The following EXOC7 variants were observed in gnomAD, a reference collection of about 807,000 sequenced individuals.
EXOC7 encodes the protein exocyst complex component 7.
EXOC7 carries 51 observed loss-of-function variants against 87.6 expected under a neutral mutation model. The observed-to-expected ratio is 0.58, with a 90% CI of 0.46 to 0.73. EXOC7 has a LOEUF of 0.73. Ranked by LOEUF, EXOC7 falls within the 30% of genes least tolerant of loss-of-function variation. The pLI is 0.00. For synonymous variants in EXOC7, 327 were observed against 357.1 expected, an observed-to-expected ratio of 0.92 and a Z score of 0.95; for missense variants, 744 against 888.4, an observed-to-expected ratio of 0.84 and a Z score of 2.07.
intron 4 of EXOC7, among the ~76,000 whole-genome samples, chr17:76,099,499 C>G (rs1320924694): frequency 6.6e-6 from 1 of 152,072 alleles, no homozygotes; most frequent in Non-Finnish European, 1.5e-5. Context: ...AAGAGCATAA[C>G]TCCGTCTCAA....
rs772320084 is a variant in EXOC7 at position 76,101,868 on chromosome 17, G to A, written c.127-5C>T. ...AAAGGATGATAAGATAGACACCTGC[G>A]GGAGGGAAGCCTCTTGATCTTGGGA... is the stretch of plus-strand genomic sequence containing the variant. On this transcript the variant is annotated splice_polypyrimidine_tract_variant and splice_region_variant and intron_variant, in intron 2 of 18. Coordinates refer to ENST00000589210, the MANE Select transcript of EXOC7 (RefSeq NM_001013839.4). The A allele has an allele frequency of 1.1e-5, 17 of 1,607,228 alleles. No homozygotes were observed. The highest frequency in any genetic ancestry group is 5.6e-5 in the South Asian group (5 of 90,046).
rs1016523167 is a variant in EXOC7 at position 76,081,192 on chromosome 17, C to A, written c.*2456G>T. ...GCCAAAAGCCATCAAAAGTCTCCAT[C>A]ACCCCTGGGCTCCAGTCTGCTACCC... On this transcript the variant is annotated 3_prime_UTR_variant, in exon 19 of 19. Coordinates refer to ENST00000589210, the MANE Select transcript of EXOC7 (RefSeq NM_001013839.4). 2 of 1,560,298 alleles carry A rather than the reference C, an allele frequency of 1.3e-6. No individual in the cohort carries two copies. The highest frequency in any genetic ancestry group is 1.8e-5 in the Admixed American group (1 of 54,394).
At chr17:76,084,724 C>T in intron 15 of EXOC7, 144 bp from the exon 16 acceptor site, 2 of 659,114 alleles carry the variant, frequency 3.0e-6, no homozygotes, top group Non-Finnish European at 5.3e-6. Context: ...AACAGGTTTT[C>T]TTCCTGGGAA....
intron 1 of EXOC7, 72 bp from the exon 2 acceptor site, chr17:76,103,498 G>A: frequency 1.3e-6 from 2 of 1,545,680 alleles, no homozygotes; most frequent in South Asian, 2.4e-5. Flanking sequence ...CCAACCCCAC[G>A]GCCTAGCCCC....
At chr17:76,092,059 C>T (rs1304695407) in intron 6 of EXOC7, among the ~76,000 whole-genome samples, 1 of 152,144 alleles carries the variant, frequency 6.6e-6, no homozygotes, top group African/African-American at 2.4e-5. Flanking sequence ...GGCCAGAAGA[C>T]GTCGGGAAAT....
At chr17:76,084,810 C>T in intron 15 of EXOC7, 1 of 577,866 alleles carries the variant, frequency 1.7e-6, no homozygotes. Context: ...TGGACAAATA[C>T]TGTCAACTAT....
chr17:76,081,568 C>T lies in EXOC7; in HGVS notation c.*2080G>A, dbSNP rs770861935. Reference sequence around the variant, plus strand: ...AGCTGAGGCTGAAGAACACGGCGCTCAAGTCCATCATCGCTCTCTTGGTGC... The same window carrying T: ...AGCTGAGGCTGAAGAACACGGCGCTTAAGTCCATCATCGCTCTCTTGGTGC... On this transcript the variant is annotated 3_prime_UTR_variant, in exon 19 of 19. Coordinates refer to ENST00000589210, the MANE Select transcript of EXOC7 (RefSeq NM_001013839.4). 2.5e-6 allele frequency: 4 copies of T among 1,613,712 alleles called. No homozygotes were observed. In the Admixed American group the frequency reaches 5.0e-5, roughly 20 times the overall value.
chr17:76,081,472 A>C lies in EXOC7; in HGVS notation c.*2176T>G. The stretch of plus-strand genomic sequence containing the variant: ...GGTGGGAGTGAGGATGCACGGCCAG[A>C]GGCCAGGCCCCATGCCCCCGATGCC... On this transcript the variant is annotated 3_prime_UTR_variant, in exon 19 of 19. Transcript: ENST00000589210. 3.1e-6 allele frequency: 5 copies of C among 1,609,972 alleles called. No individual in the cohort carries two copies. In the South Asian group the frequency reaches 5.5e-5, roughly 18 times the overall value.
rs1459061079 is a variant in EXOC7 at position 76,083,723 on chromosome 17, GT to G, written c.1979del (p.Asn660ThrfsTer16). The G allele has an allele frequency of 6.2e-7, 1 of 1,613,378 alleles. No individual in the cohort carries two copies. Among genetic ancestry groups the G allele is most frequent in the Non-Finnish European group, 8.5e-7 (1 of 1,180,010 alleles). ...QKFGSVPFTK[N>X]PEKYIKYGVE... ...CCCCGTACTTGATGTACTTCTCCGG[GT>G]TCTTGGTGAAGGGCACGCTGCCAAA... On this transcript the variant is annotated frameshift_variant, in exon 19 of 19. Coordinates refer to ENST00000589210, the MANE Select transcript of EXOC7 (RefSeq NM_001013839.4). LOFTEE classifies it high-confidence loss of function.
rs777491976 is a variant in EXOC7, at chr17:76,081,691, C to G, written c.*1957G>C. On this transcript the variant is annotated 3_prime_UTR_variant, in exon 19 of 19. Coordinates refer to ENST00000589210, the MANE Select transcript of EXOC7 (RefSeq NM_001013839.4). ...ACAAGGTGACATTGCTGCTGAGTTA[C>G]CTCGTCCTCCACTCCTCCCTGGTGC... is the stretch of plus-strand genomic sequence containing the variant. 1.1e-5 allele frequency: 17 copies of G among 1,614,024 alleles called. No homozygotes were observed. The East Asian group carries it at 3.8e-4, about 36-fold the overall frequency.
In EXOC7 at chr17:76,082,187, C is replaced by T. The variant is rs746601101; in HGVS notation, c.*1461G>A. ...CTCCTGTCCCTGGTCTCCACCATGT[C>T]CTCCTCCCTTAGAAGAAACAGGTCT... On this transcript the variant is annotated 3_prime_UTR_variant, in exon 19 of 19. Transcript: ENST00000589210. The T allele has an allele frequency of 9.0e-7, 1 of 1,116,584 alleles. No individual in the cohort carries two copies. The highest frequency in any genetic ancestry group is 1.3e-6 in the Non-Finnish European group (1 of 796,550). 69.2% of individuals were successfully genotyped at this position (1,116,584 alleles called of 1,614,324 possible). A position where few individuals can be genotyped will look rare whatever the true frequency, so the allele number is the denominator to read the frequency against.
At position 76,081,553 on chromosome 17, in the gene EXOC7, G is replaced by A; in HGVS notation, c.*2095C>T. 1 of 1,613,414 alleles carries A rather than the reference G, an allele frequency of 6.2e-7. No individual in the cohort carries two copies. Among genetic ancestry groups the A allele is most frequent in the Non-Finnish European group, 8.5e-7 (1 of 1,180,022 alleles). On this transcript the variant is annotated 3_prime_UTR_variant, in exon 19 of 19. Transcript: ENST00000589210. ...GACTTTTCCCCTTCCAGCTGAGGCT[G>A]AAGAACACGGCGCTCAAGTCCATCA...
Position 76,085,414 on chromosome 17 carries a change from G to A in EXOC7, c.1617-5C>T, listed in dbSNP as rs1449165061. 1.9e-6 allele frequency: 3 copies of A among 1,607,186 alleles called. No individual in the cohort carries two copies. Among genetic ancestry groups the A allele is most frequent in the Non-Finnish European group, 8.5e-7 (1 of 1,178,032 alleles). ...ACCAGCTGGATCAGTTCAGACCTGG[G>A]TCGGGGTAGGGGACAGAGGAGAGGA... On this transcript the variant is annotated splice_polypyrimidine_tract_variant and splice_region_variant and intron_variant, in intron 14 of 18. Coordinates refer to ENST00000589210, the MANE Select transcript of EXOC7 (RefSeq NM_001013839.4).
rs762767139 is a variant in EXOC7 at position 76,090,473 on chromosome 17, G to A, written c.901+670C>T. The A allele has an allele frequency of 2.6e-6, 4 of 1,551,492 alleles. No individual in the cohort carries two copies. In the South Asian group the frequency reaches 4.8e-5, roughly 18 times the overall value. On this transcript the variant is annotated intron_variant, in intron 7 of 18. Transcript: ENST00000589210. ...GGCAGGCCGCCCCTTGGGGTACAGG[G>A]AAGAAGCCCTTCATCTCCAGGAGGG...
chr17:76,097,622 G>A (rs1358774148), intron 5 of EXOC7, among the ~76,000 whole-genome samples, 174 bp downstream of exon 5: 2 of 145,996 alleles, frequency 1.4e-5, no homozygotes, highest in African/African-American at 5.1e-5. Flanking sequence ...GAGAATCGCT[G>A]GAACCCGGGT....
intron 8 of EXOC7, 115 bp from the exon 9 acceptor site, chr17:76,089,038 G>T: frequency 6.8e-7 from 1 of 1,473,228 alleles, no homozygotes. Flanking sequence ...AGGGGTGACG[G>T]GGAGGTGGTG....
At chr17:76,084,824 T>A (rs2067138592) in intron 15 of EXOC7, 4 of 561,218 alleles carry the variant, frequency 7.1e-6, no homozygotes, top group Non-Finnish European at 1.3e-5. Context: ...CAACTATACT[T>A]CACATCAATA....
chr17:76,095,230 G>A (rs951865388), intron 5 of EXOC7, among the ~76,000 whole-genome samples: 1 of 151,620 alleles, frequency 6.6e-6, no homozygotes, highest in Non-Finnish European at 1.5e-5. Flanking sequence ...CCAAAGTGCT[G>A]GGATTACAGG....
chr17:76,091,011 G>A (rs902210555), intron 7 of EXOC7, 132 bp downstream of exon 7: 14 of 758,548 alleles, frequency 1.8e-5, no homozygotes, highest in African/African-American at 5.2e-5. Context: ...GAGTGGCATC[G>A]GGGACCTGCC....
Sources: allele counts gnomAD v4.1 joint callset (sites outside exome capture counted in the v4.1 genomes callset), GRCh38; gene constraint gnomAD v4.1.1; transcripts MANE v1.5; gene names NCBI Gene and HGNC (gene_info 2026-07-23, HGNC 2026-07-21).